Variants in CADPS2 observed in about 807,000 individuals in gnomAD.
The protein encoded by CADPS2 is calcium dependent secretion activator 2.
A neutral mutation model predicts 172.5 loss-of-function variants in CADPS2; 93 were observed. The observed-to-expected ratio is 0.54, with a 90% CI of 0.46 to 0.64. The LOEUF is 0.64. Among genes scored for constraint, CADPS2 ranks in the 30% least tolerant of loss-of-function variants. The pLI, the probability that CADPS2 is intolerant of heterozygous loss-of-function variation, is 0.00. For synonymous variants in CADPS2, 546 were observed against 555.2 expected (o/e 0.98, Z 0.23); for missense variants, 1,420 against 1,565.9 (o/e 0.91, Z 1.57).
At chr7:122,539,631 C>A (rs2062693122) in intron 8 of CADPS2, among the ~76,000 whole-genome samples, 1 of 152,108 alleles carries the variant, frequency 6.6e-6, no homozygotes, top group African/African-American at 2.4e-5. Flanking sequence ...GTAAATCCAT[C>A]AACAGCCTTT....
intron 16 of CADPS2, 37 bp from the exon 17 acceptor site, chr7:122,438,501 T>G (rs377578010): frequency 1.4e-5 from 22 of 1,608,164 alleles, no homozygotes; most frequent in Non-Finnish European, 1.6e-5. Context: ...AGGGGCAGGG[T>G]TGGGGATAGA....
chr7:122,403,493 G>C (rs567292436), intron 20 of CADPS2, among the ~76,000 whole-genome samples: 1 of 151,932 alleles, frequency 6.6e-6, no homozygotes, highest in Non-Finnish European at 1.5e-5. Flanking sequence ...GACTGAGTAC[G>C]GTACAACAAA....
chr7:122,772,349 A>G (rs1284290033), intron 1 of CADPS2, among the ~76,000 whole-genome samples: 1 of 152,258 alleles, frequency 6.6e-6, no homozygotes, highest in Non-Finnish European at 1.5e-5. Flanking sequence ...TTGAAACCAT[A>G]AACTGATGTT....
At chr7:122,376,770 C>G (rs976992478) in intron 25 of CADPS2, among the ~76,000 whole-genome samples, 1 of 151,986 alleles carries the variant, frequency 6.6e-6, no homozygotes, top group Non-Finnish European at 1.5e-5. Flanking sequence ...GTGATGGATA[C>G]GTTTATGGTA....
chr7:122,786,066 T>A (rs1793970995), intron 1 of CADPS2, among the ~76,000 whole-genome samples: 1 of 152,370 alleles, frequency 6.6e-6, no homozygotes, highest in South Asian at 2.1e-4. Flanking sequence ...ATTCCACTTT[T>A]ATTGTTACCA....
At position 122,554,665 on chromosome 7, in the gene CADPS2, T is replaced by C. The variant is rs753352182; in HGVS notation, c.1360A>G (p.Ser454Gly). Reference protein sequence around the residue: ...GRVILYPTSNSSKSAELHRMV... With the variant: ...GRVILYPTSNGSKSAELHRMV... ...CGGTGTAATTCAGCTGATTTGGAGC[T>C]ATTAGAAGTTGGGTATAATATCACC... The change falls in exon 8 of 30, where the codon AGC becomes GGC. Residue 454 changes from serine (S) to glycine (G), a missense_variant. Transcript: ENST00000449022. 22 of 1,608,460 alleles carry C rather than the reference T, an allele frequency of 1.4e-5. No homozygotes were observed. Among genetic ancestry groups the C allele is most frequent in the Non-Finnish European group, 2.5e-6 (3 of 1,177,636 alleles).
rs369439812 is a variant in CADPS2 at position 122,856,593 on chromosome 7, C to CAG, written c.339+29404_339+29405dup. The stretch of plus-strand genomic sequence containing the variant: ...CCTCAAACCTTGAAGTCTTGGCTCC[C>CAG]AGCTTGCTTCACAAGAGCCCTCACA... On this transcript the variant is annotated intron_variant, in intron 1 of 29. Coordinates refer to ENST00000449022, the MANE Select transcript of CADPS2 (RefSeq NM_017954.11). Among the ~76,000 whole-genome samples, 664 of 152,240 alleles carry CAG rather than the reference C, an allele frequency of 4.4e-3. 5 individuals carry two copies. The highest frequency in any genetic ancestry group is 0.015 in the African/African-American group (639 of 41,534).
intron 1 of CADPS2, among the ~76,000 whole-genome samples, chr7:122,803,803 T>C (rs571761617): frequency 2.7e-4 from 41 of 152,226 alleles, no homozygotes; most frequent in African/African-American, 9.1e-4. Context: ...ATTTTTAAAA[T>C]AACCAAAGTG....
chr7:122,582,001 A>G (rs1173899551), intron 6 of CADPS2, among the ~76,000 whole-genome samples: 1 of 152,120 alleles, frequency 6.6e-6, no homozygotes, highest in Non-Finnish European at 1.5e-5. Flanking sequence ...CCTGATTTAC[A>G]AACTTAACTG....
intron 7 of CADPS2, among the ~76,000 whole-genome samples, chr7:122,556,702 A>G (rs1250364963): frequency 1.3e-5 from 2 of 152,118 alleles, no homozygotes; most frequent in African/African-American, 4.8e-5. Context: ...AACTGAAGTC[A>G]GTGGAAGGAT....
intron 2 of CADPS2, chr7:122,697,874 C>T: frequency 6.2e-7 from 1 of 1,613,492 alleles, no homozygotes; most frequent in South Asian, 1.1e-5. Context: ...ACATGGATTA[C>T]TTTATCTGAG....
chr7:122,638,978 C>T (rs1160161738), intron 3 of CADPS2, among the ~76,000 whole-genome samples: 1 of 152,164 alleles, frequency 6.6e-6, no homozygotes, highest in Admixed American at 6.5e-5. Context: ...ACCCTAAGTC[C>T]TACATGTCTT....
intron 3 of CADPS2, among the ~76,000 whole-genome samples, chr7:122,642,705 TC>T (rs1765507449): frequency 6.6e-6 from 1 of 152,176 alleles, no homozygotes; most frequent in Non-Finnish European, 1.5e-5. Flanking sequence ...CATTGCCCTC[TC>T]TAATATATCT....
rs1165101615 is a variant in CADPS2, at chr7:122,663,354, T to G, written c.669A>C (p.Arg223Ser). Residue 223 changes from arginine (R) to serine (S), a missense_variant, in exon 3 of 30, where the codon AGA (arginine) becomes AGC (serine). Physicochemically the swap from Arg to Ser is moderately radical, Grantham distance 110. Coordinates refer to ENST00000449022, the MANE Select transcript of CADPS2 (RefSeq NM_017954.11). Reference sequence around the variant, plus strand: ...GTTCAGACACTGCACTTAGGGCCATTCTATTTGGCTGTTTGCACAAGTCCT... The same window carrying G: ...GTTCAGACACTGCACTTAGGGCCATGCTATTTGGCTGTTTGCACAAGTCCT... Reference protein sequence around the residue: ...GEEDLCKQPNRMALSAVSELI... With the variant: ...GEEDLCKQPNSMALSAVSELI... 2 of 1,613,982 alleles carry G rather than the reference T, an allele frequency of 1.2e-6. No homozygotes were observed. Among genetic ancestry groups the G allele is most frequent in the South Asian group, 2.2e-5 (2 of 91,086 alleles).
At chr7:122,676,878 C>T in intron 2 of CADPS2, 1 of 488,630 alleles carries the variant, frequency 2.0e-6, no homozygotes, top group South Asian at 3.6e-5. Context: ...CAAAGCCAGT[C>T]AATGGATTCT....
At chr7:122,654,765 T>G (rs2079548370) in intron 3 of CADPS2, among the ~76,000 whole-genome samples, 1 of 152,154 alleles carries the variant, frequency 6.6e-6, no homozygotes, top group Non-Finnish European at 1.5e-5. Flanking sequence ...GACTTTCGAG[T>G]CTTATTATTT....
intron 1 of CADPS2, among the ~76,000 whole-genome samples, chr7:122,761,663 A>G (rs1651155608): frequency 6.6e-6 from 1 of 151,922 alleles, no homozygotes; most frequent in South Asian, 2.1e-4. Flanking sequence ...ATGAAGCACT[A>G]AAAACGTATT....
intron 8 of CADPS2, among the ~76,000 whole-genome samples, chr7:122,520,879 A>T (rs1381245229): frequency 6.6e-6 from 1 of 152,178 alleles, no homozygotes; most frequent in East Asian, 1.9e-4. Flanking sequence ...ATGAAAAATC[A>T]TCACTAATGA....
chr7:122,876,557 C>A (rs957608349), intron 1 of CADPS2, among the ~76,000 whole-genome samples: 1 of 151,928 alleles, frequency 6.6e-6, no homozygotes, highest in South Asian at 2.1e-4. Flanking sequence ...CAGACTGAGT[C>A]TCACTGTGTA....
Sources: allele counts gnomAD v4.1 joint callset (sites outside exome capture counted in the v4.1 genomes callset), GRCh38; gene constraint gnomAD v4.1.1; transcripts MANE v1.5; gene names NCBI Gene and HGNC (gene_info 2026-07-23, HGNC 2026-07-21).